TF: variants seen among roughly 807,000 people sequenced by gnomAD.
TF encodes transferrin, also known as serotransferrin.
A neutral mutation model predicts 82.4 loss-of-function variants in TF; 55 were observed. That is an observed-to-expected ratio of 0.67 (90% confidence interval 0.54 to 0.84). TF has a LOEUF of 0.84. Among genes scored for constraint, TF ranks in the 40% least tolerant of loss-of-function variants. TF has a pLI of 0.00. For missense variants in TF, 737 were observed against 868.4 expected, an observed-to-expected ratio of 0.85 and a Z score of 1.90; for synonymous variants, 332 against 332.6, an observed-to-expected ratio of 1.00 and a Z score of 0.02.
chr3:133,736,064 G>T, the TF span, among the ~76,000 whole-genome samples: 6 of 152,140 alleles, frequency 3.9e-5, no homozygotes, highest in African/African-American at 1.4e-4. Flanking sequence ...AGAAAGGTTG[G>T]GTTACCCACA....
chr3:133,674,654 C>A, the TF span, among the ~76,000 whole-genome samples: 1 of 152,112 alleles, frequency 6.6e-6, no homozygotes, highest in Admixed American at 6.5e-5. Flanking sequence ...AGTAAGTGAG[C>A]GCTGGGAGTC....
the TF span, among the ~76,000 whole-genome samples, chr3:133,683,741 A>C: frequency 2.6e-5 from 4 of 152,300 alleles, no homozygotes; most frequent in South Asian, 4.1e-4. Flanking sequence ...AGACTCCCAC[A>C]CAATAATAAT....
At chr3:133,771,306 T>C (rs1216238159) in intron 14 of TF, among the ~76,000 whole-genome samples, 1 of 152,144 alleles carries the variant, frequency 6.6e-6, no homozygotes, top group Non-Finnish European at 1.5e-5. Flanking sequence ...TAATAGCCCA[T>C]TGAAAGAAAT....
At chr3:133,684,387 A>C in the TF span, among the ~76,000 whole-genome samples, 2 of 152,144 alleles carry the variant, frequency 1.3e-5, no homozygotes, top group Admixed American at 6.5e-5. Flanking sequence ...ACACAAAAAA[A>C]CCCTTCAAAA....
chr3:133,748,161 A>G, intron 1 of TF: 1 of 550,212 alleles, frequency 1.8e-6, no homozygotes, highest in Non-Finnish European at 3.3e-6. Flanking sequence ...TCCAGCTGGG[A>G]GGTGATGGCC....
the TF span, among the ~76,000 whole-genome samples, chr3:133,696,939 T>C: frequency 4.0e-3 from 607 of 152,316 alleles, 2 homozygotes; most frequent in Non-Finnish European, 5.6e-3. Flanking sequence ...ATACAGAACA[T>C]TCAAAACATT....
the TF span, among the ~76,000 whole-genome samples, chr3:133,677,580 T>A: frequency 6.6e-6 from 1 of 152,112 alleles, no homozygotes; most frequent in Admixed American, 6.5e-5. Context: ...GAGGTTTCAG[T>A]TGAGTCAAGA....
At chr3:133,676,455 G>A in the TF span, among the ~76,000 whole-genome samples, 1 of 152,242 alleles carries the variant, frequency 6.6e-6, no homozygotes, top group Non-Finnish European at 1.5e-5. Flanking sequence ...ATGAACTCAT[G>A]CATGTGAAGA....
At chr3:133,709,468 C>G in the TF span, 3 of 152,696 alleles carry the variant, frequency 2.0e-5, no homozygotes, top group Non-Finnish European at 1.5e-5. Context: ...TTCCCCTTCT[C>G]TCCCTGAAAA....
chr3:133,721,501 T>C, the TF span, among the ~76,000 whole-genome samples: 1 of 152,206 alleles, frequency 6.6e-6, no homozygotes, highest in African/African-American at 2.4e-5. Flanking sequence ...TTTTGTGGCC[T>C]AATGTGATAT....
In TF at chr3:133,781,289, C is replaced by G. The variant is rs1318948508; in HGVS notation, c.*2669C>G. 2 of 151,706 alleles carry G rather than the reference C, an allele frequency of 1.3e-5. No homozygotes were observed. Among genetic ancestry groups the G allele is most frequent in the Non-Finnish European group, 2.9e-5 (2 of 67,968 alleles). 9.4% of individuals were successfully genotyped at this position (151,706 alleles called of 1,614,324 possible). ...CGAGATCGCACCATTGCACTCCAGT[C>G]TAGACAACAAGAGCAAAACTCTGTC... is the stretch of plus-strand genomic sequence containing the variant. On this transcript the variant is annotated 3_prime_UTR_variant, in exon 17 of 17. Transcript: ENST00000402696.
the TF span, chr3:133,712,593 A>C: frequency 6.6e-6 from 1 of 152,640 alleles, no homozygotes; most frequent in Non-Finnish European, 1.5e-5. Flanking sequence ...TGGGGACAGA[A>C]TCTGAGGCTT....
intron 3 of TF, chr3:133,754,153 T>C: frequency 2.4e-6 from 1 of 420,434 alleles, no homozygotes; most frequent in Non-Finnish European, 4.4e-6. Flanking sequence ...TGAAATACTT[T>C]GATGGGCCTC....
rs751165063 is a variant in TF at position 133,754,466 on chromosome 3, G to A, written c.326-29G>A. ...CCATGTTTCCCTGCACCAGGCTGAG[G>A]GCCTTCCATTCACACTGTGCCTTTG... On this transcript the variant is annotated intron_variant, in intron 3 of 16. Transcript: ENST00000402696. The A allele has an allele frequency of 1.9e-6, 3 of 1,612,816 alleles. No individual in the cohort carries two copies. The South Asian group carries it at 3.3e-5, about 18-fold the overall frequency.
At chr3:133,702,589 A>G in the TF span, among the ~76,000 whole-genome samples, 2 of 151,326 alleles carry the variant, frequency 1.3e-5, no homozygotes, top group Non-Finnish European at 3.0e-5. Context: ...CAACTTCATC[A>G]CTCAGAGATT....
At chr3:133,700,430 G>A in the TF span, among the ~76,000 whole-genome samples, 89 of 152,332 alleles carry the variant, frequency 5.8e-4, no homozygotes, top group African/African-American at 2.0e-3. Context: ...GGAAGGAACC[G>A]TTTGGTGTCC....
chr3:133,677,377 G>A, the TF span, among the ~76,000 whole-genome samples: 1 of 152,278 alleles, frequency 6.6e-6, no homozygotes, highest in African/African-American at 2.4e-5. Flanking sequence ...GGTGGCTCAC[G>A]CCTGCAATCC....
chr3:133,742,561 C>A (rs970524099), upstream of TF, among the ~76,000 whole-genome samples: 1 of 152,124 alleles, frequency 6.6e-6, no homozygotes, highest in Non-Finnish European at 1.5e-5. Flanking sequence ...GTCCCCAACC[C>A]CCTAGCCATA....
At chr3:133,743,077 G>A (rs955280025), upstream of TF, among the ~76,000 whole-genome samples, 3 of 152,044 alleles carry the variant, frequency 2.0e-5, no homozygotes, top group African/African-American at 4.8e-5. Context: ...TCAATATCAA[G>A]AAGGCAGCTG....
Sources: gnomAD v4.1 joint callset for allele counts (sites outside exome capture counted in the v4.1 genomes callset) on GRCh38, gnomAD v4.1.1 for gene constraint, MANE v1.5 for transcripts, NCBI Gene and HGNC (gene_info 2026-07-23, HGNC 2026-07-21) for gene names.